The following PIK3R5 variants were observed in gnomAD, a reference collection of about 807,000 sequenced individuals.
PIK3R5 encodes the protein phosphoinositide-3-kinase regulatory subunit 5, also known as phosphoinositide 3-kinase regulatory subunit 5.
PIK3R5 carries 32 observed loss-of-function variants against 94.9 expected under a neutral mutation model. The observed-to-expected ratio is 0.34, with a 90% CI of 0.25 to 0.45. The LOEUF is 0.45. PIK3R5 is among the 20% of genes least tolerant of loss of function. PIK3R5 has a pLI of 1.00. For synonymous variants in PIK3R5, 443 were observed against 479.4 expected (o/e 0.92, Z 0.99); for missense variants, 853 against 1,144.6 (o/e 0.75, Z 3.68).
At chr17:8,903,684 TA>T (rs1405694057) in intron 5 of PIK3R5, among the ~76,000 whole-genome samples, 1 of 152,020 alleles carries the variant, frequency 6.6e-6, no homozygotes, top group Admixed American at 6.5e-5. Flanking sequence ...TATAGGTTAT[TA>T]AAATTTCTTT....
At chr17:8,887,476 C>T in intron 11 of PIK3R5, 45 bp downstream of exon 11, 2 of 1,557,738 alleles carry the variant, frequency 1.3e-6, no homozygotes, top group Non-Finnish European at 1.7e-6. Flanking sequence ...TTCAGGTAGC[C>T]AGAACTCTAC....
chr17:8,930,414 A>T (rs2090967241), intron 1 of PIK3R5, among the ~76,000 whole-genome samples: 2 of 152,252 alleles, frequency 1.3e-5, no homozygotes, highest in South Asian at 4.1e-4. Context: ...TGTACAATGT[A>T]TCAAAATTGG....
At chr17:8,950,803 G>T (rs1001932509) in intron 1 of PIK3R5, among the ~76,000 whole-genome samples, 56 of 152,062 alleles carry the variant, frequency 3.7e-4, no homozygotes, top group Admixed American at 3.1e-3. Flanking sequence ...ATTTTCCTTT[G>T]GGAATATACC....
In PIK3R5 at chr17:8,882,736, G is replaced by C. The variant is rs540332080; in HGVS notation, c.2206-855C>G. Among the ~76,000 whole-genome samples the C allele has an allele frequency of 1.2e-4, 18 of 152,240 alleles. No homozygotes were observed. Among genetic ancestry groups the C allele is most frequent in the African/African-American group, 4.1e-4 (17 of 41,530 alleles). ...TGGTCCCCCCAGAGAAGATGGTGCT[G>C]CCAGTCACAGAGGAGTGACTCCAGG... is the stretch of plus-strand genomic sequence containing the variant. On this transcript the variant is annotated intron_variant, in intron 15 of 18. Transcript: ENST00000447110. The surrounding 1 kb of genome is among the most constrained non-coding windows in gnomAD (Gnocchi z 4.1).
chr17:8,881,070 G>A lies in PIK3R5; in HGVS notation c.2383-53C>T. On this transcript the variant is annotated intron_variant, in intron 17 of 18. Transcript: ENST00000447110. The surrounding 1 kb of genome is among the most constrained non-coding windows in gnomAD (Gnocchi z 4.8). ...AATCCCTGGCCATCCAACACTGCCA[G>A]CCCCTGGCAGTTCCTTTTCTCAGAA... The A allele has an allele frequency of 7.5e-7, 1 of 1,328,556 alleles. No individual in the cohort carries two copies. The highest frequency in any genetic ancestry group is 1.1e-6 in the Non-Finnish European group (1 of 919,378). 82.3% of individuals were successfully genotyped at this position (1,328,556 alleles called of 1,614,324 possible). A position where few individuals can be genotyped will look rare whatever the true frequency, so the allele number is the denominator to read the frequency against.
At chr17:8,919,761 G>A (rs1340540846) in intron 1 of PIK3R5, among the ~76,000 whole-genome samples, 1 of 152,030 alleles carries the variant, frequency 6.6e-6, no homozygotes, top group African/African-American at 2.4e-5. Flanking sequence ...ATAGACAAAT[G>A]TGTGGAAACA....
At chr17:8,961,770 G>A (rs556705125) in intron 1 of PIK3R5, among the ~76,000 whole-genome samples, 1 of 152,292 alleles carries the variant, frequency 6.6e-6, no homozygotes, top group East Asian at 1.9e-4. Context: ...AGGGCCCAAA[G>A]TCTAGCAAGC....
intron 5 of PIK3R5, among the ~76,000 whole-genome samples, chr17:8,897,155 C>A (rs1186712381): frequency 6.6e-6 from 1 of 152,204 alleles, no homozygotes; most frequent in Non-Finnish European, 1.5e-5. Context: ...GGCTGTGGGC[C>A]TCAGCAGGGC....
At position 8,925,470 on chromosome 17, in the gene PIK3R5, T is replaced by C. The variant is rs2090863036; in HGVS notation, c.-13-13963A>G. On this transcript the variant is annotated intron_variant, in intron 1 of 18. Transcript: ENST00000447110. The surrounding 1 kb of genome is among the most constrained non-coding windows in gnomAD (Gnocchi z 5.1). Reference sequence around the variant, plus strand: ...AGATGGATAGATAGTAGATGGATGATAGATAGATAGTAGATGGATAGATAG... The same window carrying C: ...AGATGGATAGATAGTAGATGGATGACAGATAGATAGTAGATGGATAGATAG... Among the ~76,000 whole-genome samples, 1 of 130,584 alleles carries C rather than the reference T, an allele frequency of 7.7e-6. No homozygotes were observed. The highest frequency in any genetic ancestry group is 2.6e-5 in the African/African-American group (1 of 38,794). 85.7% of individuals were successfully genotyped at this position (130,584 alleles called of 152,430 possible).
intron 1 of PIK3R5, among the ~76,000 whole-genome samples, chr17:8,936,576 G>GT (rs1203568509): frequency 6.6e-6 from 1 of 152,058 alleles, no homozygotes; most frequent in Non-Finnish European, 1.5e-5. Context: ...ATTCTTTCAT[G>GT]TTTTTTCATG....
rs2091516148 is a variant in PIK3R5, at chr17:8,959,237, C to A, written c.-14+6359G>T. Among the ~76,000 whole-genome samples, 6 of 152,170 alleles carry A rather than the reference C, an allele frequency of 3.9e-5. No individual in the cohort carries two copies. In the South Asian group the frequency reaches 1.0e-3, roughly 26 times the overall value. On this transcript the variant is annotated intron_variant, in intron 1 of 18. Transcript: ENST00000447110. The stretch of plus-strand genomic sequence containing the variant: ...ACACAGTTTTCATTATCCATCACTA[C>A]CCCCAGCTTGCTTCTGACAACAGCT...
chr17:8,956,739 A>T (rs1361275532), intron 1 of PIK3R5, among the ~76,000 whole-genome samples: 1 of 152,222 alleles, frequency 6.6e-6, no homozygotes, highest in Non-Finnish European at 1.5e-5. Context: ...TTGACGTGAA[A>T]ACCCCAAGAA....
intron 1 of PIK3R5, among the ~76,000 whole-genome samples, chr17:8,931,399 C>T (rs4791769): frequency 0.82 from 124,315 of 152,074 alleles, 51,088 homozygotes; most frequent in Non-Finnish European, 0.86. Context: ...CCCAAAACAG[C>T]TGAAGCAACT....
rs763558166 is a variant in PIK3R5, at chr17:8,888,509, T to A, written c.1278A>T (p.Lys426Asn). 6.2e-7 allele frequency: 1 copy of A among 1,609,654 alleles called. No individual in the cohort carries two copies. Among genetic ancestry groups the A allele is most frequent in the African/African-American group, 1.3e-5 (1 of 74,752 alleles). ...RPGQKFIRIY[K>N]LFKSTSQLVL... Reference sequence around the variant, plus strand: ...CCAGCTGGCTGGTGCTCTTGAAGAGTTTATAGATCCTGATGAACTTCTGCC... The same window carrying A: ...CCAGCTGGCTGGTGCTCTTGAAGAGATTATAGATCCTGATGAACTTCTGCC... Residue 426 changes from lysine to asparagine, a missense_variant, in exon 10 of 19, where the codon AAA becomes AAT. By Grantham distance (94) the Lys-to-Asn change is moderately conservative. This residue lies in a region of PIK3R5 where 319 missense variants were observed against 339.8 expected (regional missense o/e 0.94). Coordinates refer to ENST00000447110, the MANE Select transcript of PIK3R5 (RefSeq NM_001142633.3). This position sits in a 1 kb window ranked among gnomAD's most constrained non-coding sequence, Gnocchi z 7.8.
chr17:8,883,580 A>G (rs900644530), intron 15 of PIK3R5, among the ~76,000 whole-genome samples: 1 of 152,068 alleles, frequency 6.6e-6, no homozygotes, highest in African/African-American at 2.4e-5. Flanking sequence ...CTGTGAGAGC[A>G]CTCACCTCTC....
rs1344222634 is a variant in PIK3R5 at position 8,882,386 on chromosome 17, G to C, written c.2206-505C>G. 6.1e-6 allele frequency: 1 copy of C among 164,124 alleles called. No individual in the cohort carries two copies. Among genetic ancestry groups the C allele is most frequent in the Non-Finnish European group, 1.4e-5 (1 of 73,992 alleles). 10.2% of individuals were successfully genotyped at this position (164,124 alleles called of 1,614,324 possible). ...TGGGCTTTCGTGATGGCACCTTCCTGGTTTTTCTAGCGCCTCTCTGGCTGG... is the reference window on the plus strand; with the variant it reads ...TGGGCTTTCGTGATGGCACCTTCCTCGTTTTTCTAGCGCCTCTCTGGCTGG... On this transcript the variant is annotated intron_variant, in intron 15 of 18. Coordinates refer to ENST00000447110, the MANE Select transcript of PIK3R5 (RefSeq NM_001142633.3). This position sits in a 1 kb window ranked among gnomAD's most constrained non-coding sequence, Gnocchi z 4.1.
Position 8,919,888 on chromosome 17 carries a change from CTTTTTTTTT to C in PIK3R5, c.-13-8390_-13-8382del, listed in dbSNP as rs11290606. 2.7e-3 allele frequency among the ~76,000 whole-genome samples: 295 copies of C among 107,618 alleles called. 1 individual carries two copies. The highest frequency in any genetic ancestry group is 0.015 in the Middle Eastern group (3 of 198). The allele number at this position is 107,618 out of a possible 152,430, so 70.6% of individuals were successfully genotyped here. A position where few individuals can be genotyped will look rare whatever the true frequency, so the allele number is the denominator to read the frequency against. On this transcript the variant is annotated intron_variant, in intron 1 of 18. Transcript: ENST00000447110. Reference sequence around the variant, plus strand: ...TCTTTCTCTTTTTTTCTTTTTCCTTCTTTTTTTTTTTTTTTTTTTTGGACGGAGTCTCGC... The same window carrying C: ...TCTTTCTCTTTTTTTCTTTTTCCTTCTTTTTTTTTTTGGACGGAGTCTCGC...
chr17:8,957,990 T>C (rs1014053154), intron 1 of PIK3R5, among the ~76,000 whole-genome samples: 2 of 151,846 alleles, frequency 1.3e-5, no homozygotes, highest in African/African-American at 4.8e-5. Context: ...AAAAGGAAAA[T>C]AGAGGTCAAA....
chr17:8,915,912 C>T (rs1399671793), intron 1 of PIK3R5: 3 of 153,134 alleles, frequency 2.0e-5, no homozygotes, highest in African/African-American at 7.2e-5. Context: ...CTTTCTCATT[C>T]TGGGGCCGCC....
Sources: allele counts gnomAD v4.1 joint callset (sites outside exome capture counted in the v4.1 genomes callset), GRCh38; gene constraint gnomAD v4.1.1; regional missense constraint gnomAD v4.1.1; non-coding constraint Gnocchi (gnomAD v3.1); transcripts MANE v1.5; gene names NCBI Gene and HGNC (gene_info 2026-07-23, HGNC 2026-07-21).